The following FGF22 variants were observed in gnomAD, a reference collection of about 807,000 sequenced individuals.
The protein encoded by FGF22 is FGF-22.
In FGF22, 11 loss-of-function variants were observed where a neutral mutation model predicts 10.3. That is an observed-to-expected ratio of 1.07 (90% CI 0.67 to 1.77). FGF22 has a LOEUF of 1.77. Ranked by LOEUF, FGF22 falls within the 40% of genes most tolerant of loss-of-function variation. The probability of loss-of-function intolerance (pLI) is 0.00; values close to 1 mark genes in which losing one functional copy is unlikely to be tolerated. For missense variants in FGF22, 317 were observed against 273.2 expected (o/e 1.16, Z -1.13); for synonymous variants, 136 against 122.1 (o/e 1.11, Z -0.75).
chr19:642,973 A>C, intron 1 of FGF22, among the ~76,000 whole-genome samples: 2 of 150,438 alleles, frequency 1.3e-5, no homozygotes, highest in African/African-American at 2.5e-5. Flanking sequence ...CGATCTCTGC[A>C]CTCCCCCAGC....
chr19:643,664 C>T (rs11572890), exon 3 of FGF22: 27 of 1,339,068 alleles, frequency 2.0e-5, no homozygotes, highest in African/African-American at 2.9e-5. Flanking sequence ...GGCCCGGCCA[C>T]GCTTGTTCTT....
chr19:642,810 AC>A (rs1172723010), intron 1 of FGF22, among the ~76,000 whole-genome samples: 1 of 151,326 alleles, frequency 6.6e-6, no homozygotes, highest in African/African-American at 2.4e-5. Flanking sequence ...CATCCCAGGA[AC>A]CCTTTCCCAA....
At chr19:643,523 C>T (rs1356213676) in exon 3 of FGF22, 6 of 1,607,110 alleles carry the variant, frequency 3.7e-6, no homozygotes, top group South Asian at 2.2e-5. Context: ...TGGCGCTGGA[C>T]AGGAGGGGGG....
exon 3 of FGF22, chr19:643,682 C>A (rs566181056): frequency 2.4e-6 from 3 of 1,254,238 alleles, no homozygotes; most frequent in Non-Finnish European, 3.2e-6. Flanking sequence ...CTTCCCCCTG[C>A]GGGCTCTGTA....
chr19:643,262 T>C (rs781460338), exon 2 of FGF22: 2 of 1,611,202 alleles, frequency 1.2e-6, no homozygotes, highest in Non-Finnish European at 1.7e-6. Context: ...TCTGTACACG[T>C]GGGCGTCGTG....
intron 1 of FGF22, among the ~76,000 whole-genome samples, chr19:642,343 C>T (rs1484676883): frequency 2.6e-3 from 14 of 5,418 alleles, no homozygotes; most frequent in African/African-American, 9.5e-3. Flanking sequence ...CTGTGAGGGC[C>T]GGGCTGGGGG....
chr19:642,149 T>C (rs912408038), intron 1 of FGF22, among the ~76,000 whole-genome samples: 2 of 152,142 alleles, frequency 1.3e-5, no homozygotes, highest in Non-Finnish European at 2.9e-5. Flanking sequence ...CAGCCCGGCC[T>C]CCAGTCCAGA....
chr19:643,600 C>G, exon 3 of FGF22: 1 of 1,523,680 alleles, frequency 6.6e-7, no homozygotes, highest in Non-Finnish European at 8.8e-7. Flanking sequence ...GTCCTGGTCT[C>G]CTGAGGCCCT....
chr19:640,177 G>A, intron 1 of FGF22, 38 bp downstream of exon 1: 1 of 1,232,950 alleles, frequency 8.1e-7, no homozygotes, highest in Non-Finnish European at 1.0e-6. Context: ...GTGGGGAGGC[G>A]GCGGGTGACG....
exon 3 of FGF22, chr19:643,752 G>C (rs1465814607): frequency 2.9e-6 from 2 of 693,000 alleles, no homozygotes; most frequent in Non-Finnish European, 4.7e-6. Context: ...CCTCCAGGGG[G>C]GTCCCAGCCT....
At chr19:640,369 C>A in intron 1 of FGF22, 1 of 363,848 alleles carries the variant, frequency 2.7e-6, no homozygotes, top group Non-Finnish European at 4.9e-6. Context: ...GAGAAGCGTC[C>A]GTGTGGTACA....
intron 1 of FGF22, 62 bp downstream of exon 1, chr19:640,201 C>A: frequency 1.8e-6 from 2 of 1,142,472 alleles, no homozygotes; most frequent in Non-Finnish European, 2.2e-6. Flanking sequence ...ACGCGGCCGC[C>A]GTCTTCACGG....
chr19:642,212 A>T, intron 1 of FGF22, among the ~76,000 whole-genome samples: 1 of 131,306 alleles, frequency 7.6e-6, no homozygotes, highest in Non-Finnish European at 1.6e-5. Flanking sequence ...CTGAGCTGTG[A>T]GGGCCGGGCT....
exon 3 of FGF22, chr19:643,695 C>T (rs946278655): frequency 1.5e-5 from 17 of 1,114,374 alleles, no homozygotes; most frequent in East Asian, 7.8e-5. Context: ...GCTCTGTAAG[C>T]GCTGAGTGCC....
In FGF22 at chr19:643,315, C is replaced by G. The variant is rs562313940; in HGVS notation, c.295C>G (p.Arg99Gly). The change falls in exon 2 of 3, where the codon CGC (arginine) becomes GGC (glycine). Residue 99 changes from arginine (R) to glycine (G), a missense_variant. Arg to Gly is a moderately radical substitution (Grantham distance 125). Coordinates refer to ENST00000215530, the Ensembl canonical transcript of FGF22. ...CTCAGGCTTCTACGTGGCCATGAAC[C>G]GCCGGGGCCGCCTCTACGGGTCGGT... 4 of 1,604,096 alleles carry G rather than the reference C, an allele frequency of 2.5e-6. No homozygotes were observed. The South Asian group carries it at 3.3e-5, about 13-fold the overall frequency.
chr19:640,179 CG>C, intron 1 of FGF22, 40 bp downstream of exon 1: 1 of 1,181,882 alleles, frequency 8.5e-7, no homozygotes, highest in South Asian at 3.0e-5. Flanking sequence ...GGGGAGGCGG[CG>C]GGTGACGGCA....
chr19:643,503 C>T, exon 3 of FGF22: 1 of 1,610,260 alleles, frequency 6.2e-7, no homozygotes. Context: ...CCGCGGCCAG[C>T]CCATGTTCCT....
At chr19:643,890 C>T (rs1223830619) in exon 3 of FGF22, 2 of 306,178 alleles carry the variant, frequency 6.5e-6, no homozygotes, top group Non-Finnish European at 1.2e-5. Flanking sequence ...CAGGGCCCGG[C>T]AGAGGCAGGG....
chr19:644,272 C>G (rs576166657), exon 3 of FGF22: 103 of 152,786 alleles, frequency 6.7e-4, no homozygotes, highest in African/African-American at 2.4e-3. Context: ...CTGGAGCCCC[C>G]GGGAGGGACC....
Sources: gnomAD v4.1 joint callset for allele counts (sites outside exome capture counted in the v4.1 genomes callset) on GRCh38, gnomAD v4.1.1 for gene constraint, MANE v1.5 for transcripts, NCBI Gene and HGNC (gene_info 2026-07-23, HGNC 2026-07-21) for gene names.